Variants in SLC9A9 observed in about 807,000 individuals in gnomAD.
The protein encoded by SLC9A9 is sodium/hydrogen exchanger 9.
In SLC9A9, 62 loss-of-function variants were observed where a neutral mutation model predicts 77.8. That is an observed-to-expected ratio of 0.80 (90% CI 0.65 to 0.98). The LOEUF (loss-of-function observed/expected upper bound fraction) is 0.98. Ranked by LOEUF, SLC9A9 falls within the 50% of genes least tolerant of loss-of-function variation. The pLI is 0.00. For synonymous variants in SLC9A9, 320 were observed against 283.5 expected (o/e 1.13, Z -1.29); for missense variants, 775 against 774.9 (o/e 1.00, Z 0.00).
chr3:143,464,674 A>G (rs905879200), intron 12 of SLC9A9, among the ~76,000 whole-genome samples: 4 of 152,170 alleles, frequency 2.6e-5, no homozygotes, highest in Non-Finnish European at 5.9e-5. Context: ...TGGCCCTGGG[A>G]CCAGCAACAG....
intron 6 of SLC9A9, among the ~76,000 whole-genome samples, chr3:143,609,147 C>T (rs1270899267): frequency 6.6e-6 from 1 of 151,988 alleles, no homozygotes; most frequent in African/African-American, 2.4e-5. Context: ...CCACTGCAAC[C>T]CTAGCAAATG....
chr3:143,437,271 G>A (rs575572702), intron 12 of SLC9A9, among the ~76,000 whole-genome samples: 1 of 152,300 alleles, frequency 6.6e-6, no homozygotes, highest in East Asian at 1.9e-4. Context: ...TGCTCCTATG[G>A]CAAATTGTAT....
intron 4 of SLC9A9, among the ~76,000 whole-genome samples, chr3:143,762,511 T>G (rs1201868186): frequency 4.6e-5 from 7 of 152,152 alleles, no homozygotes; most frequent in Non-Finnish European, 7.4e-5. Context: ...AACTTCTATA[T>G]TCCCAAATAA....
In SLC9A9 at chr3:143,552,312, C is replaced by T. The variant is rs544914997; in HGVS notation, c.1089+50G>A. 2.3e-5 allele frequency: 31 copies of T among 1,358,712 alleles called. No homozygotes were observed. In the South Asian group the frequency reaches 3.2e-4, roughly 14 times the overall value. The allele number at this position is 1,358,712 out of a possible 1,614,324, so 84.2% of individuals were successfully genotyped here. A position where few individuals can be genotyped will look rare whatever the true frequency, so the allele number is the denominator to read the frequency against. On this transcript the variant is annotated intron_variant, in intron 9 of 15. Coordinates refer to ENST00000316549, the MANE Select transcript of SLC9A9 (RefSeq NM_173653.4). The stretch of plus-strand genomic sequence containing the variant: ...CTATACTGCCAGAATTGCTACATAA[C>T]CATTTCACTGAGAAAAGAGACCAAG...
chr3:143,412,694 C>A (rs748193170), intron 12 of SLC9A9, among the ~76,000 whole-genome samples: 1 of 152,224 alleles, frequency 6.6e-6, no homozygotes, highest in Non-Finnish European at 1.5e-5. Context: ...CCCTCTTTAG[C>A]GCCATCAGAG....
intron 9 of SLC9A9, among the ~76,000 whole-genome samples, chr3:143,529,388 A>AT (rs1270350373): frequency 6.6e-6 from 1 of 152,254 alleles, no homozygotes; most frequent in South Asian, 2.1e-4. Context: ...CTATTAAAAC[A>AT]TTTTTAATTC....
At chr3:143,813,657 C>T (rs771335745) in intron 2 of SLC9A9, among the ~76,000 whole-genome samples, 41 of 152,110 alleles carry the variant, frequency 2.7e-4, no homozygotes, top group Admixed American at 1.5e-3. Context: ...CAAGGCAGCC[C>T]GCAGACCAAG....
chr3:143,743,149 C>T (rs1051206044), intron 4 of SLC9A9, among the ~76,000 whole-genome samples: 9 of 150,824 alleles, frequency 6.0e-5, no homozygotes, highest in African/African-American at 1.5e-4. Flanking sequence ...CAGTATTAGT[C>T]GGGGTTTTCC....
chr3:143,584,572 A>G (rs563394583), intron 6 of SLC9A9, among the ~76,000 whole-genome samples: 1 of 152,366 alleles, frequency 6.6e-6, no homozygotes, highest in Non-Finnish European at 1.5e-5. Context: ...AGATATACAA[A>G]AGAACCTTCC....
chr3:143,732,596 A>T (rs1345479121), intron 4 of SLC9A9, among the ~76,000 whole-genome samples: 1 of 152,110 alleles, frequency 6.6e-6, no homozygotes, highest in African/African-American at 2.4e-5. Flanking sequence ...ACCTCTGACC[A>T]CTCTGACTTT....
intron 12 of SLC9A9, among the ~76,000 whole-genome samples, chr3:143,405,362 A>C (rs1317440437): frequency 6.6e-6 from 1 of 152,142 alleles, no homozygotes; most frequent in African/African-American, 2.4e-5. Flanking sequence ...GATTGATAAT[A>C]TCTACCCTAC....
At chr3:143,831,189 T>A (rs992771420) in intron 2 of SLC9A9, among the ~76,000 whole-genome samples, 1 of 152,054 alleles carries the variant, frequency 6.6e-6, no homozygotes, top group African/African-American at 2.4e-5. Context: ...TTCCACAGTG[T>A]CAGAAAATTC....
intron 14 of SLC9A9, among the ~76,000 whole-genome samples, chr3:143,327,005 T>C (rs1318363451): frequency 6.6e-6 from 1 of 152,212 alleles, no homozygotes; most frequent in East Asian, 1.9e-4. Flanking sequence ...ATGGAGTATA[T>C]ACACTCAAAG....
chr3:143,594,214 A>G (rs1019494208), intron 6 of SLC9A9, among the ~76,000 whole-genome samples: 3 of 152,244 alleles, frequency 2.0e-5, no homozygotes, highest in African/African-American at 4.8e-5. Context: ...AAACTGAGTG[A>G]TCACCATGTG....
intron 14 of SLC9A9, among the ~76,000 whole-genome samples, chr3:143,320,969 T>G (rs2031398734): frequency 6.6e-6 from 1 of 151,826 alleles, no homozygotes; most frequent in Non-Finnish European, 1.5e-5. Context: ...GGGATTGGAG[T>G]GGTGCATCCA....
chr3:143,668,813 A>C (rs1231147146), intron 5 of SLC9A9, among the ~76,000 whole-genome samples: 1 of 152,182 alleles, frequency 6.6e-6, no homozygotes, highest in Non-Finnish European at 1.5e-5. Context: ...TTGCCCACTC[A>C]CTGACCTGAC....
At chr3:143,600,443 C>T (rs2037828330) in intron 6 of SLC9A9, among the ~76,000 whole-genome samples, 1 of 152,178 alleles carries the variant, frequency 6.6e-6, no homozygotes, top group Admixed American at 6.5e-5. Context: ...AGAAATTCCC[C>T]TGGATGGACA....
At chr3:143,809,886 TG>T (rs1264248972) in intron 2 of SLC9A9, among the ~76,000 whole-genome samples, 1 of 152,190 alleles carries the variant, frequency 6.6e-6, no homozygotes, top group Non-Finnish European at 1.5e-5. Flanking sequence ...TGGTAGCTAG[TG>T]GCAATTGGAG....
chr3:143,493,628 C>G, intron 11 of SLC9A9, 25 bp downstream of exon 11: 1 of 1,588,986 alleles, frequency 6.3e-7, no homozygotes, highest in Non-Finnish European at 8.6e-7. Context: ...ACCAGCAGCA[C>G]TAACATATAA....
Sources: allele counts gnomAD v4.1 joint callset (sites outside exome capture counted in the v4.1 genomes callset), GRCh38; gene constraint gnomAD v4.1.1; transcripts MANE v1.5; gene names NCBI Gene and HGNC (gene_info 2026-07-23, HGNC 2026-07-21).